The following TMC1 variants were observed in gnomAD, a reference collection of about 807,000 sequenced individuals.
The protein encoded by TMC1 is transmembrane channel like 1, also known as transmembrane channel-like protein 1.
A neutral mutation model predicts 105.8 loss-of-function variants in TMC1; 84 were observed. The ratio of observed to expected loss-of-function variants is 0.79; its 90% CI spans 0.67 to 0.95. The LOEUF (loss-of-function observed/expected upper bound fraction) is 0.95. TMC1 is among the 40% of genes least tolerant of loss of function. The pLI, the probability that TMC1 is intolerant of heterozygous loss-of-function variation, is 0.00. For missense variants in TMC1, 817 were observed against 914.1 expected, an observed-to-expected ratio of 0.89 and a Z score of 1.37; for synonymous variants, 315 against 311.5, an observed-to-expected ratio of 1.01 and a Z score of -0.12.
intron 8 of TMC1, among the ~76,000 whole-genome samples, chr9:72,705,139 G>T (rs1826716212): frequency 6.6e-6 from 1 of 152,144 alleles, no homozygotes; most frequent in Admixed American, 6.6e-5. Context: ...AGAGGTCGCA[G>T]CACTTACCTG....
At chr9:72,608,702 C>CA (rs10548842) in intron 2 of TMC1, among the ~76,000 whole-genome samples, 96 of 122,726 alleles carry the variant, frequency 7.8e-4, no homozygotes, top group Non-Finnish European at 1.0e-3. Flanking sequence ...GACTTCATCT[C>CA]AAAAAAAAAA....
At chr9:72,559,981 G>C (rs866346291) in intron 1 of TMC1, among the ~76,000 whole-genome samples, 4 of 152,176 alleles carry the variant, frequency 2.6e-5, no homozygotes, top group Admixed American at 2.0e-4. Flanking sequence ...ATTTGGCTGA[G>C]AAATATCAAC....
intron 13 of TMC1, among the ~76,000 whole-genome samples, chr9:72,785,714 C>A (rs766033944): frequency 1.4e-4 from 21 of 152,162 alleles, no homozygotes; most frequent in Non-Finnish European, 2.9e-4. Context: ...ACATCCTGGG[C>A]AGGGTGAAGT....
At chr9:72,551,911 C>A (rs890605001) in intron 1 of TMC1, among the ~76,000 whole-genome samples, 1 of 151,974 alleles carries the variant, frequency 6.6e-6, no homozygotes, top group African/African-American at 2.4e-5. Context: ...TCAAATATTG[C>A]CGGCAATATC....
At chr9:72,546,241 C>T (rs1039311736) in intron 1 of TMC1, among the ~76,000 whole-genome samples, 3 of 152,006 alleles carry the variant, frequency 2.0e-5, no homozygotes, top group Non-Finnish European at 4.4e-5. Context: ...TGCAGTGAGT[C>T]GAGATCATAA....
rs565268668 is a variant in TMC1 at position 72,807,995 on chromosome 9, T to A, written c.1695+2485T>A. ...CACTCATCACCCTGTGATTAGCACA[T>A]TGCCTGGTTTCCACTGTCCTCCTTT... On this transcript the variant is annotated intron_variant, in intron 18 of 23. Coordinates refer to ENST00000297784, the MANE Select transcript of TMC1 (RefSeq NM_138691.3). Among the ~76,000 whole-genome samples the A allele has an allele frequency of 2.6e-5, 4 of 152,306 alleles. No individual in the cohort carries two copies. The East Asian group carries it at 7.7e-4, about 29-fold the overall frequency.
chr9:72,611,664 T>C (rs1246064338), intron 2 of TMC1, among the ~76,000 whole-genome samples: 2 of 152,154 alleles, frequency 1.3e-5, no homozygotes, highest in East Asian at 3.9e-4. Flanking sequence ...TTGAGGATTG[T>C]GGCTTGTTAG....
intron 4 of TMC1, among the ~76,000 whole-genome samples, chr9:72,633,791 A>G (rs1183808386): frequency 2.0e-5 from 3 of 152,146 alleles, no homozygotes; most frequent in African/African-American, 7.2e-5. Context: ...TTTCTACATC[A>G]GTTTGTCAGA....
intron 7 of TMC1, among the ~76,000 whole-genome samples, chr9:72,697,767 T>C (rs1477114770): frequency 2.0e-5 from 3 of 152,136 alleles, no homozygotes; most frequent in Non-Finnish European, 4.4e-5. Context: ...ATATCATGAA[T>C]TATTTTGAAA....
At chr9:72,700,446 A>G in intron 7 of TMC1, 72 bp from the exon 8 acceptor site, 4 of 1,309,798 alleles carry the variant, frequency 3.1e-6, no homozygotes, top group East Asian at 2.6e-5. Context: ...AATATCTGAT[A>G]CCTGCCTTCC....
chr9:72,715,677 T>C (rs574705936), intron 8 of TMC1, among the ~76,000 whole-genome samples: 1 of 152,266 alleles, frequency 6.6e-6, no homozygotes, highest in South Asian at 2.1e-4. Context: ...TTTTCAAGGT[T>C]CTTAGCTTCT....
chr9:72,770,901 A>G (rs563179677), intron 12 of TMC1, among the ~76,000 whole-genome samples: 1 of 152,266 alleles, frequency 6.6e-6, no homozygotes, highest in South Asian at 2.1e-4. Flanking sequence ...TTTTGTCCTC[A>G]GTGGATTAAA....
intron 2 of TMC1, among the ~76,000 whole-genome samples, chr9:72,585,057 T>C (rs986088674): frequency 1.3e-5 from 2 of 151,904 alleles, no homozygotes; most frequent in African/African-American, 4.8e-5. Flanking sequence ...AGTGCTGGGA[T>C]TACAGGTGTA....
At chr9:72,805,213 C>G (rs1588091800) in intron 17 of TMC1, 169 bp from the exon 18 acceptor site, 1 of 535,088 alleles carries the variant, frequency 1.9e-6, no homozygotes, top group Non-Finnish European at 3.2e-6. Flanking sequence ...GTAATAAAGT[C>G]AGGGTGAAAT....
intron 1 of TMC1, among the ~76,000 whole-genome samples, chr9:72,564,493 A>C (rs914570668): frequency 1.3e-5 from 2 of 152,202 alleles, no homozygotes; most frequent in Non-Finnish European, 2.9e-5. Context: ...TGAGGAGTGA[A>C]GATTTAATTG....
chr9:72,792,349 A>G lies in TMC1; in HGVS notation c.1563A>G (p.Gly521=), dbSNP rs761230185. 1.9e-5 allele frequency: 31 copies of G among 1,614,034 alleles called. No homozygotes were observed. The African/African-American group carries it at 2.3e-4, about 12-fold the overall frequency. ...PRGPCWETMV[G]QEFVRLTVSD... ...GACCTTGCTGGGAAACAATGGTGGG[A>G]CAGGTAATGCCACCAACAGAAGTGT... Residue 521 remains glycine, a synonymous_variant, in exon 17 of 24, where the codon GGA becomes GGG. Transcript: ENST00000297784.
At position 72,725,321 on chromosome 9, in the gene TMC1, G is replaced by A. The variant is rs566318890; in HGVS notation, c.363-14798G>A. Among the ~76,000 whole-genome samples the A allele has an allele frequency of 1.4e-3, 48 of 34,882 alleles. No individual in the cohort carries two copies. The East Asian group carries it at 0.029, about 21-fold the overall frequency. The allele number at this position is 34,882 out of a possible 152,430, so 22.9% of individuals were successfully genotyped here. On this transcript the variant is annotated intron_variant, in intron 8 of 23. Coordinates refer to ENST00000297784, the MANE Select transcript of TMC1 (RefSeq NM_138691.3). ...ACCCCCACACACACATTTTATGTGTGTATGTATATATATATATATATATAT... is the reference window on the plus strand; with the variant it reads ...ACCCCCACACACACATTTTATGTGTATATGTATATATATATATATATATAT...
intron 1 of TMC1, among the ~76,000 whole-genome samples, chr9:72,552,973 A>G (rs973147502): frequency 5.3e-5 from 8 of 151,998 alleles, no homozygotes; most frequent in African/African-American, 1.7e-4. Context: ...ATTCAATTAT[A>G]TATATAATTT....
At chr9:72,753,181 A>G (rs993280272) in intron 11 of TMC1, among the ~76,000 whole-genome samples, 3 of 152,106 alleles carry the variant, frequency 2.0e-5, no homozygotes, top group Non-Finnish European at 4.4e-5. Flanking sequence ...CTCGTAGAAG[A>G]CAGTGACCAA....
Sources: allele counts gnomAD v4.1 joint callset (sites outside exome capture counted in the v4.1 genomes callset), GRCh38; gene constraint gnomAD v4.1.1; transcripts MANE v1.5; gene names NCBI Gene and HGNC (gene_info 2026-07-23, HGNC 2026-07-21).